The following TRIM2 variants were observed in gnomAD, a reference collection of about 807,000 sequenced individuals.
TRIM2 encodes tripartite motif-containing protein 2.
Under a neutral mutation model 75.2 loss-of-function variants are expected in TRIM2, and 20 were observed. That is an observed-to-expected ratio of 0.27 (90% CI 0.19 to 0.39). The LOEUF (loss-of-function observed/expected upper bound fraction) is 0.39. TRIM2 is among the 10% of genes least tolerant of loss of function. The probability of loss-of-function intolerance (pLI) is 1.00; values close to 1 mark genes in which losing one functional copy is unlikely to be tolerated. For missense variants in TRIM2, 660 were observed against 990.8 expected, an observed-to-expected ratio of 0.67 and a Z score of 4.48; for synonymous variants, 373 against 388.3, an observed-to-expected ratio of 0.96 and a Z score of 0.46.
intron 3 of TRIM2, 123 bp downstream of exon 3, chr4:153,276,253 A>C: frequency 1.2e-6 from 1 of 822,132 alleles, no homozygotes; most frequent in Non-Finnish European, 2.0e-6. Context: ...AGTAATTAAA[A>C]AAGATTTTTA....
chr4:153,214,396 T>C (rs79721953), intron 1 of TRIM2, among the ~76,000 whole-genome samples: 1,840 of 152,340 alleles, frequency 0.012, 38 homozygotes, highest in African/African-American at 0.042. Flanking sequence ...TTTCTGTCCA[T>C]TTTAAAATGC....
In TRIM2 at chr4:153,267,751, TTCTC is replaced by T. The variant is rs377312241; in HGVS notation, c.31-2578_31-2575del. Among the ~76,000 whole-genome samples the T allele has an allele frequency of 6.8e-3, 1,028 of 150,400 alleles. 13 individuals are homozygous for T. Among genetic ancestry groups the T allele is most frequent in the African/African-American group, 0.023 (963 of 41,486 alleles). The stretch of plus-strand genomic sequence containing the variant: ...CTCTTTTCTTTCCTTCCTTCCTTCC[TTCTC>T]TCTCTTTCTTTTCCTTCTTTATTTC... On this transcript the variant is annotated intron_variant, in intron 1 of 11. Coordinates refer to ENST00000338700, the MANE Select transcript of TRIM2 (RefSeq NM_015271.5).
At chr4:153,270,642 C>T (rs1388575134) in intron 2 of TRIM2, 123 bp downstream of exon 2, 2 of 833,340 alleles carry the variant, frequency 2.4e-6, no homozygotes, top group African/African-American at 1.7e-5. Flanking sequence ...TGTGCTTCTG[C>T]CAGACATTGA....
intron 1 of TRIM2, among the ~76,000 whole-genome samples, chr4:153,220,417 C>T (rs1374913279): frequency 6.6e-6 from 1 of 152,106 alleles, no homozygotes; most frequent in African/African-American, 2.4e-5. Flanking sequence ...CAGACTAACT[C>T]TAGTTAGTCT....
chr4:153,274,182 C>T (rs529192865), intron 2 of TRIM2, among the ~76,000 whole-genome samples: 2 of 152,278 alleles, frequency 1.3e-5, no homozygotes, highest in Admixed American at 6.5e-5. Flanking sequence ...ATTTAAATGG[C>T]TCTCTTTGAG....
rs80336903 is a variant in TRIM2, at chr4:153,336,972, A to G, written c.*2006A>G. 4,429 of 983,224 alleles carry G rather than the reference A, an allele frequency of 4.5e-3. 44 individuals carry two copies. In the East Asian group the frequency reaches 0.057, roughly 13 times the overall value. The allele number at this position is 983,224 out of a possible 1,614,324, so 60.9% of individuals were successfully genotyped here. ...GATACATCTTTGAATTTAAACATTC[A>G]TATTTACTGAGTACCTACTAGGTAC... On this transcript the variant is annotated 3_prime_UTR_variant, in exon 12 of 12. Transcript: ENST00000338700.
chr4:153,234,926 T>C (rs1744615842), intron 1 of TRIM2, among the ~76,000 whole-genome samples: 1 of 152,158 alleles, frequency 6.6e-6, no homozygotes, highest in African/African-American at 2.4e-5. Flanking sequence ...CTCCAATTCT[T>C]AACCTTCCCC....
intron 1 of TRIM2, among the ~76,000 whole-genome samples, chr4:153,167,091 T>C (rs751813837): frequency 3.3e-5 from 5 of 152,220 alleles, no homozygotes; most frequent in Non-Finnish European, 7.3e-5. Flanking sequence ...GCTGTGGTAG[T>C]TACTAGTTGC....
At chr4:153,247,876 T>TA (rs1034884403) in intron 1 of TRIM2, among the ~76,000 whole-genome samples, 7 of 151,330 alleles carry the variant, frequency 4.6e-5, no homozygotes, top group African/African-American at 1.5e-4. Flanking sequence ...GCTCCAGGAG[T>TA]AAAAAAAGTG....
At chr4:153,195,976 A>G (rs763995545) in intron 1 of TRIM2, among the ~76,000 whole-genome samples, 9 of 152,226 alleles carry the variant, frequency 5.9e-5, no homozygotes, top group Non-Finnish European at 7.4e-5. Context: ...TGCCTGGCTA[A>G]TTTTTGTGCT....
intron 1 of TRIM2, among the ~76,000 whole-genome samples, chr4:153,171,403 T>A (rs1730834029): frequency 6.6e-6 from 1 of 152,016 alleles, no homozygotes; most frequent in African/African-American, 2.4e-5. Flanking sequence ...CTGACCAACA[T>A]GGTGAAACCC....
At chr4:153,219,302 C>A (rs1436581980) in intron 1 of TRIM2, among the ~76,000 whole-genome samples, 1 of 152,128 alleles carries the variant, frequency 6.6e-6, no homozygotes, top group African/African-American at 2.4e-5. Flanking sequence ...CAGAAAAAAA[C>A]CTACCAGGAA....
At chr4:153,297,360 G>A (rs1209768910) in intron 6 of TRIM2, among the ~76,000 whole-genome samples, 1 of 152,112 alleles carries the variant, frequency 6.6e-6, no homozygotes, top group Admixed American at 6.5e-5. Flanking sequence ...TGCCACTCCG[G>A]TTCAGCCACT....
chr4:153,292,742 C>A (rs1762070733), intron 3 of TRIM2, among the ~76,000 whole-genome samples: 1 of 152,230 alleles, frequency 6.6e-6, no homozygotes, highest in South Asian at 2.1e-4. Flanking sequence ...TGCCTTGGGG[C>A]AGTGGATACC....
chr4:153,235,299 T>TG (rs1744731875), intron 1 of TRIM2, among the ~76,000 whole-genome samples: 2 of 152,084 alleles, frequency 1.3e-5, no homozygotes, highest in South Asian at 4.1e-4. Context: ...TTTTTTTTTT[T>TG]TTTGAGACAA....
Position 153,217,385 on chromosome 4 carries a change from T to C in TRIM2, c.30+12825T>C, listed in dbSNP as rs78991845. Among the ~76,000 whole-genome samples, 1,418 of 152,000 alleles carry C rather than the reference T, an allele frequency of 9.3e-3. 18 individuals carry two copies. The highest frequency in any genetic ancestry group is 0.033 in the African/African-American group (1,352 of 41,438). On this transcript the variant is annotated intron_variant, in intron 1 of 11. Coordinates refer to ENST00000338700, the MANE Select transcript of TRIM2 (RefSeq NM_015271.5). ...TGAAATTCGTCAGGAACAGGCAAGA[T>C]TTGGACAGGGGAAGATGAAGAAAAG...
chr4:153,177,126 A>G (rs1345453254), intron 1 of TRIM2, among the ~76,000 whole-genome samples: 1 of 152,230 alleles, frequency 6.6e-6, no homozygotes, highest in East Asian at 1.9e-4. Flanking sequence ...TAGCATGGCT[A>G]AGTACCAGCC....
In TRIM2 at chr4:153,165,819, T is replaced by A. The variant is rs1730244653; in HGVS notation, c.-49+12549T>A. ...CCTTATGAACTATTTTTTCTTACTG[T>A]GTATTCTCATATTTCATGGTGACTT... On this transcript the variant is annotated intron_variant, in intron 1 of 11. Coordinates refer to the TRIM2 transcript ENST00000437508. Among the ~76,000 whole-genome samples the A allele has an allele frequency of 3.9e-5, 6 of 152,198 alleles. No homozygotes were observed. In the South Asian group the frequency reaches 1.2e-3, roughly 31 times the overall value.
intron 1 of TRIM2, among the ~76,000 whole-genome samples, chr4:153,254,169 C>T (rs190399025): frequency 2.5e-4 from 38 of 152,284 alleles, no homozygotes; most frequent in Admixed American, 1.4e-3. Flanking sequence ...TGTTCATTTT[C>T]TGGGATAAAT....
Sources: gnomAD v4.1 joint callset for allele counts (sites outside exome capture counted in the v4.1 genomes callset) on GRCh38, gnomAD v4.1.1 for gene constraint, MANE v1.5 for transcripts, NCBI Gene and HGNC (gene_info 2026-07-23, HGNC 2026-07-21) for gene names.